NTRK3: variants seen among roughly 807,000 people sequenced by gnomAD.
The protein encoded by NTRK3 is neurotrophic receptor tyrosine kinase 3, also known as NT-3 growth factor receptor.
A neutral mutation model predicts 91.7 loss-of-function variants in NTRK3; 24 were observed. The ratio of observed to expected loss-of-function variants is 0.26; its 90% CI spans 0.19 to 0.37. The LOEUF (loss-of-function observed/expected upper bound fraction) is 0.37, where lower values mean the gene tolerates loss of function less well. NTRK3 is among the 10% of genes least tolerant of loss of function. NTRK3 has a pLI of 1.00. For synonymous variants in NTRK3, 483 were observed against 404.0 expected (o/e 1.20, Z -2.34); for missense variants, 880 against 1,068.9 (o/e 0.82, Z 2.46).
intron 14 of NTRK3, among the ~76,000 whole-genome samples, chr15:87,974,085 G>A (rs965958252): frequency 6.6e-6 from 1 of 152,186 alleles, no homozygotes; most frequent in Non-Finnish European, 1.5e-5. Context: ...CATTGTATCT[G>A]AGATGCTTGA....
intron 3 of NTRK3, among the ~76,000 whole-genome samples, chr15:88,247,320 G>A (rs1274979544): frequency 6.6e-6 from 1 of 152,226 alleles, no homozygotes; most frequent in Non-Finnish European, 1.5e-5. Flanking sequence ...AGCTAGCGAG[G>A]CAGGGCCCTT....
Position 87,904,564 on chromosome 15 carries a change from C to T in NTRK3, c.2134-24136G>A, listed in dbSNP as rs186266902. ...CTGCTGTAAAGGATGCATCTATGAC[C>T]AAGTCTCTAAGCAGATTCCCAGACC... On this transcript the variant is annotated intron_variant, in intron 17 of 18. Coordinates refer to ENST00000394480, the Ensembl canonical transcript of NTRK3. Among the ~76,000 whole-genome samples, 14 of 152,272 alleles carry T rather than the reference C, an allele frequency of 9.2e-5. 1 individual carries two copies. The highest frequency in any genetic ancestry group is 3.1e-4 in the African/African-American group (13 of 41,554).
chr15:88,141,845 T>C (rs1045647229), intron 6 of NTRK3, among the ~76,000 whole-genome samples: 1 of 152,218 alleles, frequency 6.6e-6, no homozygotes, highest in African/African-American at 2.4e-5. Context: ...ACAAATTTTC[T>C]GCTTCCTTCC....
intron 13 of NTRK3, among the ~76,000 whole-genome samples, chr15:88,087,907 C>G (rs2048655230): frequency 6.6e-6 from 1 of 152,068 alleles, no homozygotes; most frequent in East Asian, 1.9e-4. Flanking sequence ...AAAAATAAGT[C>G]AGGCATGGTG....
At chr15:88,051,666 AC>A (rs1332757339) in intron 13 of NTRK3, among the ~76,000 whole-genome samples, 11 of 152,248 alleles carry the variant, frequency 7.2e-5, no homozygotes, top group Admixed American at 5.9e-4. Context: ...TAAAATACTT[AC>A]GTAAAGCCCT....
At chr15:88,231,687 T>C (rs1029411147) in intron 3 of NTRK3, among the ~76,000 whole-genome samples, 1 of 152,214 alleles carries the variant, frequency 6.6e-6, no homozygotes, top group Non-Finnish European at 1.5e-5. Flanking sequence ...CTCACTCCTG[T>C]GTTCTTCATA....
chr15:88,130,453 T>C (rs1224757190), intron 10 of NTRK3, among the ~76,000 whole-genome samples: 2 of 152,190 alleles, frequency 1.3e-5, no homozygotes, highest in South Asian at 2.1e-4. Context: ...AAAAATATTA[T>C]ACTGATTTCT....
intron 3 of NTRK3, among the ~76,000 whole-genome samples, chr15:88,197,513 C>G (rs982471163): frequency 6.6e-6 from 1 of 152,146 alleles, no homozygotes; most frequent in African/African-American, 2.4e-5. Flanking sequence ...AAGCCTTAAG[C>G]CTGCAGGAAA....
chr15:87,888,441 C>T (rs150678441), intron 17 of NTRK3, among the ~76,000 whole-genome samples: 9 of 152,202 alleles, frequency 5.9e-5, no homozygotes, highest in Non-Finnish European at 1.2e-4. Flanking sequence ...ATGTCAAGGT[C>T]AACTACAAAC....
intron 14 of NTRK3, among the ~76,000 whole-genome samples, chr15:87,941,464 C>T (rs2069839364): frequency 7.4e-6 from 1 of 134,376 alleles, no homozygotes; most frequent in South Asian, 2.7e-4. Flanking sequence ...TGCACACACA[C>T]ATACACATAC....
chr15:87,951,588 G>C (rs888855693), intron 14 of NTRK3, among the ~76,000 whole-genome samples: 4 of 152,326 alleles, frequency 2.6e-5, no homozygotes, highest in African/African-American at 9.6e-5. Context: ...CTGATGGAAA[G>C]GATTTTAGTT....
chr15:87,890,406 G>T (rs1355257868), intron 17 of NTRK3, among the ~76,000 whole-genome samples: 1 of 152,070 alleles, frequency 6.6e-6, no homozygotes. Flanking sequence ...CCTTTCATCA[G>T]CTATTTGGCT....
chr15:87,945,970 T>A (rs1256126870), intron 14 of NTRK3, among the ~76,000 whole-genome samples: 1 of 152,192 alleles, frequency 6.6e-6, no homozygotes, highest in Non-Finnish European at 1.5e-5. Flanking sequence ...AATTTTTAGA[T>A]AATAAAGATG....
At chr15:88,073,201 C>T (rs2047239035) in intron 13 of NTRK3, among the ~76,000 whole-genome samples, 1 of 152,212 alleles carries the variant, frequency 6.6e-6, no homozygotes, top group Non-Finnish European at 1.5e-5. Flanking sequence ...GGGTTCCATC[C>T]TTCTCCCACA....
chr15:87,988,277 G>T (rs1338547393), intron 14 of NTRK3, among the ~76,000 whole-genome samples: 2 of 152,168 alleles, frequency 1.3e-5, no homozygotes, highest in African/African-American at 4.8e-5. Context: ...AGGTAATCAA[G>T]GACAAGGAAA....
chr15:87,959,516 C>G (rs1194285787), intron 14 of NTRK3, among the ~76,000 whole-genome samples: 1 of 152,186 alleles, frequency 6.6e-6, no homozygotes, highest in Non-Finnish European at 1.5e-5. Context: ...CAGGGCAGTG[C>G]CCAACAGGAC....
intron 3 of NTRK3, among the ~76,000 whole-genome samples, chr15:88,232,195 C>A (rs2051260870): frequency 1.3e-5 from 2 of 152,098 alleles, no homozygotes; most frequent in Admixed American, 6.5e-5. Flanking sequence ...CCTCTCTATC[C>A]AGGTCCTACC....
At chr15:88,164,011 T>C (rs540072347) in intron 5 of NTRK3, among the ~76,000 whole-genome samples, 76 of 152,356 alleles carry the variant, frequency 5.0e-4, no homozygotes, top group African/African-American at 1.8e-3. Flanking sequence ...TCTCTGCTCA[T>C]GCAATCATTC....
intron 14 of NTRK3, among the ~76,000 whole-genome samples, chr15:88,001,708 A>G (rs1405121717): frequency 6.6e-6 from 1 of 152,146 alleles, no homozygotes; most frequent in Non-Finnish European, 1.5e-5. Flanking sequence ...GTCTATCCTC[A>G]TGGCAGTACC....
Sources: allele counts gnomAD v4.1 joint callset (sites outside exome capture counted in the v4.1 genomes callset), GRCh38; gene constraint gnomAD v4.1.1; transcripts MANE v1.5; gene names NCBI Gene and HGNC (gene_info 2026-07-23, HGNC 2026-07-21).